PPM1E: variants seen among roughly 807,000 people sequenced by gnomAD.
The protein encoded by PPM1E is protein phosphatase, Mg2+/Mn2+ dependent 1E, also known as protein phosphatase 1E.
Under a neutral mutation model 65.9 loss-of-function variants are expected in PPM1E, and 20 were observed. The ratio of observed to expected loss-of-function variants is 0.30; its 90% CI spans 0.21 to 0.44. The LOEUF is 0.44. Among genes scored for constraint, PPM1E ranks in the 20% least tolerant of loss-of-function variants. The probability of loss-of-function intolerance (pLI) is 1.00; values close to 1 mark genes in which losing one functional copy is unlikely to be tolerated. For missense variants in PPM1E, 713 were observed against 953.1 expected, an observed-to-expected ratio of 0.75 and a Z score of 3.32; for synonymous variants, 352 against 374.9, an observed-to-expected ratio of 0.94 and a Z score of 0.70.
chr17:58,828,743 C>T (rs1384252066), intron 1 of PPM1E, among the ~76,000 whole-genome samples: 1 of 152,192 alleles, frequency 6.6e-6, no homozygotes, highest in Non-Finnish European at 1.5e-5. Context: ...GGATTACAGG[C>T]ATGAGCCACT....
intron 1 of PPM1E, among the ~76,000 whole-genome samples, chr17:58,880,995 G>A (rs1040345838): frequency 6.6e-6 from 1 of 151,970 alleles, no homozygotes; most frequent in African/African-American, 2.4e-5. Context: ...TTTTTTGGAG[G>A]TAACTTTGTC....
At chr17:58,794,877 T>G (rs2050190956) in intron 1 of PPM1E, among the ~76,000 whole-genome samples, 1 of 151,098 alleles carries the variant, frequency 6.6e-6, no homozygotes. Flanking sequence ...TGAACATATA[T>G]GTACATGTGT....
chr17:58,817,656 T>C (rs2143123742), intron 1 of PPM1E, among the ~76,000 whole-genome samples: 1 of 152,248 alleles, frequency 6.6e-6, no homozygotes, highest in South Asian at 2.1e-4. Flanking sequence ...CAGTTAACAC[T>C]AGGGACTCCC....
chr17:58,758,486 C>G (rs1174467519), intron 1 of PPM1E, among the ~76,000 whole-genome samples: 1 of 151,000 alleles, frequency 6.6e-6, no homozygotes, highest in Non-Finnish European at 1.5e-5. Context: ...TGAGATTGTG[C>G]CAGTGCACTC....
At chr17:58,966,427 A>T in intron 3 of PPM1E, 1 of 315,202 alleles carries the variant, frequency 3.2e-6, no homozygotes, top group Non-Finnish European at 6.0e-6. Flanking sequence ...GTAAAAAAAA[A>T]AAAAAAAAAA....
chr17:58,819,794 T>C (rs553631148), intron 1 of PPM1E, among the ~76,000 whole-genome samples: 2 of 152,200 alleles, frequency 1.3e-5, no homozygotes, highest in East Asian at 1.9e-4. Flanking sequence ...CGCAGCACTT[T>C]GGGAGACAGA....
chr17:58,956,469 A>C (rs554955554), intron 2 of PPM1E, among the ~76,000 whole-genome samples: 5 of 152,138 alleles, frequency 3.3e-5, no homozygotes, highest in Admixed American at 2.6e-4. Flanking sequence ...CAAAAAAAAA[A>C]ACCTTAACTT....
intron 3 of PPM1E, chr17:58,966,779 A>G (rs1427487435): frequency 1.3e-5 from 2 of 153,112 alleles, no homozygotes; most frequent in East Asian, 1.9e-4. Flanking sequence ...ACTCAAGTCC[A>G]TAACTTAAAA....
chr17:58,914,482 G>A (rs1403876890), intron 1 of PPM1E, among the ~76,000 whole-genome samples: 1 of 152,022 alleles, frequency 6.6e-6, no homozygotes, highest in African/African-American at 2.4e-5. Flanking sequence ...TTTCAATTTG[G>A]GCTTATCTCA....
At chr17:58,859,412 T>C (rs1326316409) in intron 1 of PPM1E, among the ~76,000 whole-genome samples, 3 of 152,256 alleles carry the variant, frequency 2.0e-5, no homozygotes, top group African/African-American at 7.2e-5. Context: ...CATTTTCCCC[T>C]TTTTATCAAG....
intron 4 of PPM1E, 144 bp downstream of exon 4, chr17:58,969,871 T>C (rs1485317830): frequency 1.3e-6 from 1 of 781,386 alleles, no homozygotes; most frequent in Non-Finnish European, 2.0e-6. Context: ...TTGGATTCTG[T>C]TGTAGTTCCA....
intron 1 of PPM1E, among the ~76,000 whole-genome samples, chr17:58,872,338 G>T (rs2051080217): frequency 6.6e-6 from 1 of 152,200 alleles, no homozygotes; most frequent in South Asian, 2.1e-4. Context: ...ACAAAATAAT[G>T]TTTAAACCTC....
At chr17:58,843,455 G>A (rs2050740727) in intron 1 of PPM1E, among the ~76,000 whole-genome samples, 1 of 152,050 alleles carries the variant, frequency 6.6e-6, no homozygotes, top group African/African-American at 2.4e-5. Context: ...GGGAGGTAGA[G>A]GTTGCAGTGA....
At chr17:58,796,826 C>T (rs1436653380) in intron 1 of PPM1E, among the ~76,000 whole-genome samples, 1 of 152,136 alleles carries the variant, frequency 6.6e-6, no homozygotes, top group Non-Finnish European at 1.5e-5. Context: ...TAAGCTGTGG[C>T]CAGCCATGGT....
intron 1 of PPM1E, among the ~76,000 whole-genome samples, chr17:58,841,862 C>G (rs1215215826): frequency 1.3e-5 from 2 of 152,138 alleles, no homozygotes; most frequent in Admixed American, 1.3e-4. Context: ...TGTGCACCAC[C>G]ACGCCTGGCT....
chr17:58,922,039 CAAAAAGAAAAA>C (rs1384975635), intron 1 of PPM1E, among the ~76,000 whole-genome samples: 1 of 125,804 alleles, frequency 7.9e-6, no homozygotes, highest in African/African-American at 3.1e-5. Context: ...GACTCCATCT[CAAAAAGAAAAA>C]AAAAAGAAAA....
intron 1 of PPM1E, among the ~76,000 whole-genome samples, chr17:58,910,660 G>A (rs1287402942): frequency 6.6e-6 from 1 of 152,178 alleles, no homozygotes; most frequent in African/African-American, 2.4e-5. Context: ...CCTGTAATTA[G>A]ACTTCATTCT....
chr17:58,893,513 T>G (rs1437990721), intron 1 of PPM1E, among the ~76,000 whole-genome samples: 1 of 152,220 alleles, frequency 6.6e-6, no homozygotes, highest in East Asian at 1.9e-4. Flanking sequence ...TTCTGTAGAA[T>G]GCTATAAAGA....
At chr17:58,817,965 T>G (rs2143125412) in intron 1 of PPM1E, among the ~76,000 whole-genome samples, 1 of 152,162 alleles carries the variant, frequency 6.6e-6, no homozygotes, top group Middle Eastern at 3.4e-3. Flanking sequence ...GGTCTTGATC[T>G]CCTGACCTCG....
Sources: gnomAD v4.1 joint callset for allele counts (sites outside exome capture counted in the v4.1 genomes callset) on GRCh38, gnomAD v4.1.1 for gene constraint, MANE v1.5 for transcripts, NCBI Gene and HGNC (gene_info 2026-07-23, HGNC 2026-07-21) for gene names.